The following NAV3 variants were observed in gnomAD, a reference collection of about 807,000 sequenced individuals.
NAV3 encodes neuron navigator 3, also known as pore membrane and/or filament interacting like protein 1.
Under a neutral mutation model 244.7 loss-of-function variants are expected in NAV3, and 87 were observed. The observed-to-expected ratio is 0.36, with a 90% CI of 0.30 to 0.42. NAV3 has a LOEUF of 0.42. NAV3 is among the 20% of genes least tolerant of loss of function. The pLI is 1.00. For synonymous variants in NAV3, 1,126 were observed against 1,042.2 expected, an observed-to-expected ratio of 1.08 and a Z score of -1.55; for missense variants, 2,663 against 2,893.3, an observed-to-expected ratio of 0.92 and a Z score of 1.83.
chr12:78,128,658 C>G, intron 17 of NAV3, 48 bp from the exon 18 acceptor site: 17 of 1,572,358 alleles, frequency 1.1e-5, no homozygotes, highest in Non-Finnish European at 1.4e-5. Flanking sequence ...CTGGCATTGC[C>G]TTGCCCTTGT....
chr12:77,719,816 G>A (rs1164414425), intron 2 of NAV3, among the ~76,000 whole-genome samples: 1 of 152,120 alleles, frequency 6.6e-6, no homozygotes, highest in Non-Finnish European at 1.5e-5. Context: ...CCTAAAATGA[G>A]TTTGGAAGTG....
At chr12:77,907,303 G>T (rs1194608702) in intron 1 of NAV3, among the ~76,000 whole-genome samples, 2 of 152,108 alleles carry the variant, frequency 1.3e-5, no homozygotes, top group Admixed American at 1.3e-4. Context: ...CTGTGTCTTT[G>T]CCAATTTTAT....
intron 1 of NAV3, among the ~76,000 whole-genome samples, chr12:77,905,957 TTAAC>T (rs1885923265): frequency 6.6e-6 from 1 of 152,134 alleles, no homozygotes; most frequent in African/African-American, 2.4e-5. Context: ...TACTGGGTAG[TTAAC>T]TGTCACTAGA....
intron 3 of NAV3, among the ~76,000 whole-genome samples, chr12:77,949,435 T>C (rs796624672): frequency 3.3e-5 from 5 of 152,178 alleles, no homozygotes; most frequent in African/African-American, 4.8e-5. Flanking sequence ...TATTAACAAA[T>C]AAATTTAACA....
At chr12:77,602,867 T>A (rs967009371) in intron 2 of NAV3, among the ~76,000 whole-genome samples, 1 of 152,168 alleles carries the variant, frequency 6.6e-6, no homozygotes, top group Non-Finnish European at 1.5e-5. Context: ...ACTTTATTCA[T>A]GGGAATCAAA....
Position 77,654,709 on chromosome 12 carries a change from G to T in NAV3, c.72+82443G>T, listed in dbSNP as rs1592545250. Reference sequence around the variant, plus strand: ...CAGCCTAACTGGGAGGAACCCCCCAGTAGGGGCAGACTGACACCTCACATG... The same window carrying T: ...CAGCCTAACTGGGAGGAACCCCCCATTAGGGGCAGACTGACACCTCACATG... On this transcript the variant is annotated intron_variant, in intron 2 of 8. Transcript: ENST00000550042. Among the ~76,000 whole-genome samples the T allele has an allele frequency of 2.0e-5, 3 of 152,264 alleles. No individual in the cohort carries two copies. The East Asian group carries it at 5.8e-4, about 29-fold the overall frequency.
intron 2 of NAV3, among the ~76,000 whole-genome samples, chr12:77,712,085 A>T (rs780899484): frequency 6.6e-6 from 1 of 152,206 alleles, no homozygotes; most frequent in African/African-American, 2.4e-5. Flanking sequence ...ATGTTAAAAG[A>T]CAACAGGAGT....
chr12:78,099,367 A>G (rs1954425504), intron 12 of NAV3, among the ~76,000 whole-genome samples: 1 of 151,828 alleles, frequency 6.6e-6, no homozygotes, highest in South Asian at 2.1e-4. Flanking sequence ...TTAACTAGGT[A>G]AATTTTTATG....
chr12:77,674,176 ACTCTGGCTTTGGGCTATCTT>A (rs1297997377), intron 2 of NAV3, among the ~76,000 whole-genome samples: 1 of 152,074 alleles, frequency 6.6e-6, no homozygotes, highest in Non-Finnish European at 1.5e-5. Flanking sequence ...TCTTCATACA[ACTCTGGCTTTGGGCTATCTT>A]TAGCTCATGT....
rs368148768 is a variant in NAV3, at chr12:78,177,779, T to C, written c.5363+94T>C. ...CTTTTTCTAAAATCACTCACATGCA[T>C]TTCAACAATAAATACCTTCTCTTTC... On this transcript the variant is annotated intron_variant, in intron 28 of 39. Transcript: ENST00000397909. 32 of 1,099,662 alleles carry C rather than the reference T, an allele frequency of 2.9e-5. 2 individuals are homozygous for C. Among genetic ancestry groups the C allele is most frequent in the East Asian group, 2.6e-4 (10 of 38,824 alleles). The allele number at this position is 1,099,662 out of a possible 1,614,324, so 68.1% of individuals were successfully genotyped here. A position where few individuals can be genotyped will look rare whatever the true frequency, so the allele number is the denominator to read the frequency against.
intron 2 of NAV3, among the ~76,000 whole-genome samples, chr12:77,602,994 A>G (rs1870507809): frequency 6.6e-6 from 1 of 151,996 alleles, no homozygotes; most frequent in Non-Finnish European, 1.5e-5. Flanking sequence ...GCATCTCTAA[A>G]CACAGCCAAC....
intron 5 of NAV3, among the ~76,000 whole-genome samples, chr12:77,972,649 A>G (rs1893093227): frequency 6.6e-6 from 1 of 152,172 alleles, no homozygotes; most frequent in African/African-American, 2.4e-5. Context: ...GAAGTGTTTT[A>G]ATATAAAATG....
intron 18 of NAV3, among the ~76,000 whole-genome samples, chr12:78,133,912 A>G (rs1956268771): frequency 6.6e-6 from 1 of 152,212 alleles, no homozygotes; most frequent in Non-Finnish European, 1.5e-5. Context: ...GAATTTCTAA[A>G]TAGAAGAGAA....
intron 2 of NAV3, among the ~76,000 whole-genome samples, chr12:77,660,893 C>T (rs1419723076): frequency 6.6e-6 from 1 of 152,064 alleles, no homozygotes; most frequent in African/African-American, 2.4e-5. Context: ...TATTATAAAG[C>T]CTCATCCATG....
intron 2 of NAV3, among the ~76,000 whole-genome samples, chr12:77,666,349 T>C (rs1873717850): frequency 1.3e-5 from 2 of 152,118 alleles, no homozygotes; most frequent in South Asian, 4.1e-4. Context: ...ATAGTAGACA[T>C]GCAACAGATA....
intron 3 of NAV3, among the ~76,000 whole-genome samples, chr12:77,943,389 A>G (rs1890054756): frequency 6.6e-6 from 1 of 152,178 alleles, no homozygotes; most frequent in Admixed American, 6.5e-5. Context: ...AATATTGACT[A>G]AGAATGACTT....
chr12:77,750,116 G>A (rs1432792537), intron 2 of NAV3, among the ~76,000 whole-genome samples: 1 of 152,200 alleles, frequency 6.6e-6, no homozygotes, highest in African/African-American at 2.4e-5. Context: ...CACTTTGGGA[G>A]GCCAAGGCAG....
intron 2 of NAV3, among the ~76,000 whole-genome samples, chr12:77,576,738 A>T (rs1869103272): frequency 6.6e-6 from 1 of 152,130 alleles, no homozygotes; most frequent in Admixed American, 6.6e-5. Flanking sequence ...TCTTTAAAGA[A>T]AATATGAGCA....
At chr12:77,605,025 A>T (rs1870608321) in intron 2 of NAV3, among the ~76,000 whole-genome samples, 1 of 152,104 alleles carries the variant, frequency 6.6e-6, no homozygotes, top group Admixed American at 6.6e-5. Flanking sequence ...TGAAGGATGG[A>T]CTGAGGATTC....
Sources: allele counts gnomAD v4.1 joint callset (sites outside exome capture counted in the v4.1 genomes callset), GRCh38; gene constraint gnomAD v4.1.1; transcripts MANE v1.5; gene names NCBI Gene and HGNC (gene_info 2026-07-23, HGNC 2026-07-21).